The following PIEZO2 variants were observed in gnomAD, a reference collection of about 807,000 sequenced individuals.
PIEZO2 encodes piezo-type mechanosensitive ion channel component 2.
In PIEZO2, 172 loss-of-function variants were observed where a neutral mutation model predicts 337.3. That is an observed-to-expected ratio of 0.51 (90% CI 0.45 to 0.58). PIEZO2 has a LOEUF of 0.58. Among genes scored for constraint, PIEZO2 ranks in the 20% least tolerant of loss-of-function variants. The probability of loss-of-function intolerance (pLI) is 0.00; values close to 1 mark genes in which losing one functional copy is unlikely to be tolerated. For synonymous variants in PIEZO2, 1,251 were observed against 1,228.5 expected, an observed-to-expected ratio of 1.02 and a Z score of -0.38; for missense variants, 3,028 against 3,391.3, an observed-to-expected ratio of 0.89 and a Z score of 2.66.
In PIEZO2 at chr18:10,846,226, A is replaced by G. The variant is rs759498193; in HGVS notation, c.917+9127T>C. On this transcript the variant is annotated intron_variant, in intron 7 of 55. Coordinates refer to ENST00000674853, the MANE Select transcript of PIEZO2 (RefSeq NM_001378183.1). The surrounding 1 kb of genome is among the most constrained non-coding windows in gnomAD (Gnocchi z 4.1). ...ACAATCATGGCAGAAGGCAAGGAGGAGCAAGTCACATCTTACACAGATGGC... is the reference window on the plus strand; with the variant it reads ...ACAATCATGGCAGAAGGCAAGGAGGGGCAAGTCACATCTTACACAGATGGC... 6.6e-6 allele frequency among the ~76,000 whole-genome samples: 1 copy of G among 152,212 alleles called. No individual in the cohort carries two copies. The highest frequency in any genetic ancestry group is 1.5e-5 in the Non-Finnish European group (1 of 68,046).
At chr18:10,941,362 C>G (rs2032717372) in intron 3 of PIEZO2, among the ~76,000 whole-genome samples, 1 of 152,100 alleles carries the variant, frequency 6.6e-6, no homozygotes, top group South Asian at 2.1e-4. Context: ...CGCTTACACC[C>G]CAAGTAGACA....
In PIEZO2 at chr18:10,702,085, G is replaced by T. The variant is rs1223151744; in HGVS notation, c.6345C>A (p.His2115Gln). ...NVEVNKDKPYHPPNIIGVEKK... is the reference protein window; with the variant it reads ...NVEVNKDKPYQPPNIIGVEKK... Reference sequence around the variant, plus strand: ...TTTCCACTCCTATGATGTTTGGGGGGTGATACGGTTTATCTTTGTTCACCT... The same window carrying T: ...TTTCCACTCCTATGATGTTTGGGGGTTGATACGGTTTATCTTTGTTCACCT... Residue 2115 changes from histidine (H) to glutamine (Q), a missense_variant, in exon 43 of 56, where the codon CAC (histidine) becomes CAA (glutamine). Physicochemically the swap from His to Gln is conservative, Grantham distance 24. Transcript: ENST00000674853. 2.6e-6 allele frequency: 4 copies of T among 1,536,904 alleles called. No homozygotes were observed. The highest frequency in any genetic ancestry group is 2.7e-5 in the African/African-American group (2 of 73,010).
In PIEZO2 at chr18:10,833,858, G is replaced by A. The variant is rs1265663421; in HGVS notation, c.917+21495C>T. Among the ~76,000 whole-genome samples the A allele has an allele frequency of 6.6e-6, 1 of 152,214 alleles. No homozygotes were observed. The highest frequency in any genetic ancestry group is 1.5e-5 in the Non-Finnish European group (1 of 68,044). ...TTTCCCTGAAGCCAAGGTTGCCCTT[G>A]TCAACACAGGCTTGGCCCTGGACCA... On this transcript the variant is annotated intron_variant, in intron 7 of 55. Coordinates refer to ENST00000674853, the MANE Select transcript of PIEZO2 (RefSeq NM_001378183.1). This position sits in a 1 kb window ranked among gnomAD's most constrained non-coding sequence, Gnocchi z 4.7.
chr18:10,770,387 G>A, intron 20 of PIEZO2, 79 bp from the exon 21 acceptor site: 1 of 1,371,800 alleles, frequency 7.3e-7, no homozygotes, highest in Non-Finnish European at 9.7e-7. Context: ...TAACTTTCAG[G>A]TTGGAATGAG....
At chr18:10,857,668 T>C (rs185612662) in intron 5 of PIEZO2, among the ~76,000 whole-genome samples, 3 of 152,316 alleles carry the variant, frequency 2.0e-5, no homozygotes, top group Admixed American at 2.0e-4. Flanking sequence ...AAGTTTATCT[T>C]TGTTCACTAT....
At chr18:11,108,796 CAG>C (rs1223991350) in intron 1 of PIEZO2, among the ~76,000 whole-genome samples, 6 of 152,008 alleles carry the variant, frequency 3.9e-5, no homozygotes, top group Non-Finnish European at 8.8e-5. Context: ...TGGTTTGTAG[CAG>C]AGCTCAGGGC....
chr18:10,838,204 C>T (rs1296971452), intron 7 of PIEZO2, among the ~76,000 whole-genome samples: 2 of 152,162 alleles, frequency 1.3e-5, no homozygotes, highest in African/African-American at 2.4e-5. Context: ...TTTGCTAGTT[C>T]GGCTTCCAAT....
chr18:10,800,399 G>A lies in PIEZO2; in HGVS notation c.1316C>T (p.Pro439Leu), dbSNP rs1218497562. 6 of 1,536,448 alleles carry A rather than the reference G, an allele frequency of 3.9e-6. 1 individual carries two copies. The South Asian group carries it at 6.0e-5, about 15-fold the overall frequency. The change falls in exon 11 of 56, where the codon CCT becomes CTT. Residue 439 changes from proline (P) to leucine (L), a missense_variant. By Grantham distance (98) the Pro-to-Leu change is moderately conservative. Around this residue, in one of 5 missense-constraint regions of PIEZO2, gnomAD observed 542 missense variants for 605.6 expected, o/e 0.89. Transcript: ENST00000674853. ...IHPSLPMENGPGKADLYSTPQ... is the reference protein window; with the variant it reads ...IHPSLPMENGLGKADLYSTPQ... ...GGTGGAGTAGAGGTCGGCTTTGCCA[G>A]GGCCGTTCTCCATGGGCAGGCTTGG... is the stretch of plus-strand genomic sequence containing the variant.
At chr18:11,098,842 G>A (rs1380765930) in intron 1 of PIEZO2, among the ~76,000 whole-genome samples, 1 of 151,748 alleles carries the variant, frequency 6.6e-6, no homozygotes, top group Non-Finnish European at 1.5e-5. Flanking sequence ...CTGTCACCCA[G>A]GCTGCAGTGC....
chr18:11,016,497 G>T lies in PIEZO2; in HGVS notation c.161-36837C>A, dbSNP rs1287327913. ...CCCCTGCAAAGGGTGGGTATGAGGG[G>T]GGTCGGGTTAAGCGGCTTAACAAAG... On this transcript the variant is annotated intron_variant, in intron 2 of 55. Transcript: ENST00000674853. The surrounding 1 kb of genome is among the most constrained non-coding windows in gnomAD (Gnocchi z 5.6). Among the ~76,000 whole-genome samples, 1 of 152,164 alleles carries T rather than the reference G, an allele frequency of 6.6e-6. No homozygotes were observed. The highest frequency in any genetic ancestry group is 1.9e-4 in the East Asian group (1 of 5,184).
intron 27 of PIEZO2, among the ~76,000 whole-genome samples, chr18:10,756,253 G>T (rs2037840491): frequency 6.6e-6 from 1 of 151,030 alleles, no homozygotes; most frequent in African/African-American, 2.4e-5. Context: ...GAGGGATAAA[G>T]GATGAGAATG....
rs114565898 is a variant in PIEZO2, at chr18:10,790,372, C to T, written c.1882+829G>A. On this transcript the variant is annotated intron_variant, in intron 14 of 55. Transcript: ENST00000674853. ...ACATTTCTAGGCTCCTTTTCACAGA[C>T]AGTGCTTCTTAACCTCACAATAGTC... 9.5e-3 allele frequency among the ~76,000 whole-genome samples: 1,453 copies of T among 152,282 alleles called. 27 individuals are homozygous for T. Among genetic ancestry groups the T allele is most frequent in the African/African-American group, 0.033 (1,383 of 41,548 alleles).
At chr18:10,693,514 C>T (rs376242388) in intron 47 of PIEZO2, among the ~76,000 whole-genome samples, 1 of 149,686 alleles carries the variant, frequency 6.7e-6, no homozygotes, top group African/African-American at 2.5e-5. Context: ...GGACTATAGG[C>T]GCGCGACACC....
intron 3 of PIEZO2, among the ~76,000 whole-genome samples, chr18:10,936,855 C>G (rs562960572): frequency 6.6e-6 from 1 of 152,196 alleles, no homozygotes; most frequent in African/African-American, 2.4e-5. Flanking sequence ...GTGTGCAGCT[C>G]GTCTGGCAGG....
In PIEZO2 at chr18:11,104,997, C is replaced by T. The variant is rs2039520023; in HGVS notation, c.65-38775G>A. 6.6e-6 allele frequency among the ~76,000 whole-genome samples: 1 copy of T among 152,142 alleles called. No individual in the cohort carries two copies. Among genetic ancestry groups the T allele is most frequent in the Admixed American group, 6.5e-5 (1 of 15,268 alleles). ...CGCTGGAGCTAATGGAAAAGAGATA[C>T]TTTTGTCATGGGAATCACTAGCTCG... On this transcript the variant is annotated intron_variant, in intron 1 of 55. Transcript: ENST00000674853. The surrounding 1 kb of genome is among the most constrained non-coding windows in gnomAD (Gnocchi z 4.6).
intron 3 of PIEZO2, among the ~76,000 whole-genome samples, chr18:10,939,295 A>G (rs2032585088): frequency 6.6e-6 from 1 of 152,214 alleles, no homozygotes; most frequent in East Asian, 1.9e-4. Flanking sequence ...CCTGTCTAAT[A>G]AAAAATGTAT....
Position 10,675,144 on chromosome 18 carries a change from A to G in PIEZO2, c.8161+65T>C, listed in dbSNP as rs62093933. On this transcript the variant is annotated intron_variant, in intron 54 of 55. Coordinates refer to ENST00000674853, the MANE Select transcript of PIEZO2 (RefSeq NM_001378183.1). ...TGGTTTCATGAAGGTCCAAAGCACA[A>G]ACTGTTGAAATTGAATAAAACTAGG... The G allele has an allele frequency of 0.015, 17,490 of 1,193,580 alleles. 187 individuals carry two copies. Among genetic ancestry groups the G allele is most frequent in the Middle Eastern group, 0.04 (205 of 5,148 alleles). The allele number at this position is 1,193,580 out of a possible 1,614,324, so 73.9% of individuals were successfully genotyped here. A position where few individuals can be genotyped will look rare whatever the true frequency, so the allele number is the denominator to read the frequency against.
chr18:10,913,963 C>T (rs1445642188), intron 3 of PIEZO2, among the ~76,000 whole-genome samples: 2 of 152,104 alleles, frequency 1.3e-5, no homozygotes, highest in African/African-American at 4.8e-5. Flanking sequence ...TCCACATACC[C>T]TAGAGGTTTG....
At chr18:10,905,785 T>G (rs1301936544) in intron 4 of PIEZO2, among the ~76,000 whole-genome samples, 2 of 152,160 alleles carry the variant, frequency 1.3e-5, no homozygotes, top group African/African-American at 2.4e-5. Flanking sequence ...AAGTCCACTC[T>G]TTTATAAGCA....
Sources: gnomAD v4.1 joint callset for allele counts (sites outside exome capture counted in the v4.1 genomes callset) on GRCh38, gnomAD v4.1.1 for gene constraint, gnomAD v4.1.1 regional missense constraint, Gnocchi (gnomAD v3.1) non-coding constraint, MANE v1.5 for transcripts, NCBI Gene and HGNC (gene_info 2026-07-23, HGNC 2026-07-21) for gene names.